EEFSEC: variants seen among roughly 807,000 people sequenced by gnomAD.
EEFSEC encodes eukaryotic elongation factor, selenocysteine-tRNA specific.
Under a neutral mutation model 42.1 loss-of-function variants are expected in EEFSEC, and 43 were observed. The observed-to-expected ratio is 1.02, with a 90% CI of 0.80 to 1.32. The LOEUF is 1.32. EEFSEC is among the 40% of genes most tolerant of loss of function. The pLI is 0.00. For missense variants in EEFSEC, 745 were observed against 803.6 expected (o/e 0.93, Z 0.88); for synonymous variants, 354 against 339.1 (o/e 1.04, Z -0.48).
At chr3:128,156,711 CACAA>C (rs1304923229) in intron 1 of EEFSEC, among the ~76,000 whole-genome samples, 1 of 152,218 alleles carries the variant, frequency 6.6e-6, no homozygotes, top group Non-Finnish European at 1.5e-5. Context: ...TTTGAAATGT[CACAA>C]ACAATGCTTA....
chr3:128,345,976 TATA>T (rs72021522), intron 5 of EEFSEC, among the ~76,000 whole-genome samples: 21,741 of 152,214 alleles, frequency 0.14, 1,789 homozygotes, highest in African/African-American at 0.23. Context: ...ATTTTCAGGT[TATA>T]ATAAGGTCTA....
At chr3:128,397,856 C>G (rs2068000511) in intron 6 of EEFSEC, among the ~76,000 whole-genome samples, 1 of 152,278 alleles carries the variant, frequency 6.6e-6, no homozygotes, top group African/African-American at 2.4e-5. Context: ...CCTACTGATT[C>G]CTCCTCCTAG....
chr3:128,334,290 C>CA (rs2067166235), intron 4 of EEFSEC, among the ~76,000 whole-genome samples: 1 of 152,240 alleles, frequency 6.6e-6, no homozygotes, highest in Non-Finnish European at 1.5e-5. Flanking sequence ...CTTGAGTCTT[C>CA]CCTCTCTGCT....
chr3:128,413,756 C>T, the EEFSEC span, among the ~76,000 whole-genome samples: 1 of 152,196 alleles, frequency 6.6e-6, no homozygotes, highest in Non-Finnish European at 1.5e-5. Context: ...GCCTCACCCC[C>T]CAAGGTCATT....
intron 6 of EEFSEC, among the ~76,000 whole-genome samples, chr3:128,362,819 C>A: frequency 6.6e-6 from 1 of 152,218 alleles, no homozygotes; most frequent in Non-Finnish European, 1.5e-5. Context: ...GGGTGCTGCT[C>A]ACGTGCCGGG....
At chr3:128,310,331 C>G (rs1018162807) in intron 4 of EEFSEC, among the ~76,000 whole-genome samples, 1 of 152,236 alleles carries the variant, frequency 6.6e-6, no homozygotes, top group Non-Finnish European at 1.5e-5. Flanking sequence ...CAACCATCTC[C>G]GCATCTTTCA....
At chr3:128,295,900 C>T (rs1248938687) in intron 4 of EEFSEC, among the ~76,000 whole-genome samples, 1 of 152,046 alleles carries the variant, frequency 6.6e-6, no homozygotes, top group East Asian at 1.9e-4. Context: ...AGCAGAAAAG[C>T]AAAAAAGGAA....
At chr3:128,262,092 C>A (rs2066302878) in intron 2 of EEFSEC, 36 bp from the exon 3 acceptor site, 2 of 1,601,080 alleles carry the variant, frequency 1.2e-6, no homozygotes, top group Admixed American at 1.7e-5. Context: ...TGTTGCTGAT[C>A]TCTGTAACTG....
In EEFSEC at chr3:128,291,528, G is replaced by A. The variant is rs557595262; in HGVS notation, c.786+26747G>A. 5.9e-5 allele frequency among the ~76,000 whole-genome samples: 9 copies of A among 152,276 alleles called. No homozygotes were observed. In the East Asian group the frequency reaches 1.7e-3, roughly 29 times the overall value. On this transcript the variant is annotated intron_variant, in intron 4 of 6. Transcript: ENST00000254730. The stretch of plus-strand genomic sequence containing the variant: ...CAGCACCTTGATATTGGAATTCTCA[G>A]CCTCCAGAGTTGTGAGGCAATAAAT...
chr3:128,408,387 C>A lies in EEFSEC; in HGVS notation c.*128C>A. 1 of 1,068,554 alleles carries A rather than the reference C, an allele frequency of 9.4e-7. No individual in the cohort carries two copies. The highest frequency in any genetic ancestry group is 1.6e-5 in the African/African-American group (1 of 61,730). The allele number at this position is 1,068,554 out of a possible 1,614,324, so 66.2% of individuals were successfully genotyped here. A position where few individuals can be genotyped will look rare whatever the true frequency, so the allele number is the denominator to read the frequency against. On this transcript the variant is annotated 3_prime_UTR_variant, in exon 7 of 7. Transcript: ENST00000254730. ...AGTCCTGCAGCAGCAGCCCCCACCC[C>A]CAAGCTTGGTGCTGAGCCCTGGTGA...
intron 1 of EEFSEC, among the ~76,000 whole-genome samples, chr3:128,164,967 C>G (rs1048685918): frequency 6.6e-6 from 1 of 152,214 alleles, no homozygotes; most frequent in Non-Finnish European, 1.5e-5. Flanking sequence ...CTCAGGCAGG[C>G]AAGGCGGATG....
rs1311528177 is a variant in EEFSEC at position 128,365,699 on chromosome 3, G to A, written c.1600+7326G>A. 2.6e-5 allele frequency among the ~76,000 whole-genome samples: 4 copies of A among 152,188 alleles called. No individual in the cohort carries two copies. The East Asian group carries it at 7.7e-4, about 29-fold the overall frequency. On this transcript the variant is annotated intron_variant, in intron 6 of 6. Transcript: ENST00000254730. ...GAGCACTGGGAAACGATGCCTGTAG[G>A]AGCCCCGGTGCTGCATTCATGCCAG... is the stretch of plus-strand genomic sequence containing the variant.
At chr3:128,313,854 T>G (rs1461229407) in intron 4 of EEFSEC, among the ~76,000 whole-genome samples, 3 of 152,206 alleles carry the variant, frequency 2.0e-5, no homozygotes, top group Non-Finnish European at 4.4e-5. Flanking sequence ...GAGTTAAGTC[T>G]CCCTGACAAC....
At chr3:128,165,243 G>A (rs2065232336) in intron 1 of EEFSEC, among the ~76,000 whole-genome samples, 1 of 152,244 alleles carries the variant, frequency 6.6e-6, no homozygotes. Context: ...CAAGTAGCCA[G>A]TGCCAGGCTC....
intron 1 of EEFSEC, among the ~76,000 whole-genome samples, chr3:128,168,789 C>G (rs973686718): frequency 5.3e-5 from 8 of 151,650 alleles, no homozygotes; most frequent in African/African-American, 2.0e-4. Context: ...GGTTCTGTCA[C>G]TTACTCTTTG....
At chr3:128,237,854 C>T (rs1388913491) in intron 1 of EEFSEC, among the ~76,000 whole-genome samples, 2 of 152,182 alleles carry the variant, frequency 1.3e-5, no homozygotes, top group Admixed American at 1.3e-4. Context: ...TTGGCTCCCT[C>T]CTGCAGGACT....
rs558525440 is a variant in EEFSEC at position 128,370,346 on chromosome 3, G to T, written c.1600+11973G>T. Among the ~76,000 whole-genome samples the T allele has an allele frequency of 2.1e-4, 32 of 152,302 alleles. No homozygotes were observed. The East Asian group carries it at 6.2e-3, about 29-fold the overall frequency. ...AAGACAGAGCCCAGGCCCAGAGATA[G>T]CTGTGTGGAGGGAGTGCAGCGGCCC... On this transcript the variant is annotated intron_variant, in intron 6 of 6. Coordinates refer to ENST00000254730, the MANE Select transcript of EEFSEC (RefSeq NM_021937.5).
chr3:128,366,469 A>G (rs2067591529), intron 6 of EEFSEC, among the ~76,000 whole-genome samples: 1 of 152,212 alleles, frequency 6.6e-6, no homozygotes, highest in Non-Finnish European at 1.5e-5. Flanking sequence ...TCATCACCCC[A>G]GTTCTGCAGA....
chr3:128,295,051 G>A (rs1357517773), intron 4 of EEFSEC, among the ~76,000 whole-genome samples: 2 of 152,224 alleles, frequency 1.3e-5, no homozygotes, highest in Non-Finnish European at 2.9e-5. Flanking sequence ...TGCACCATGT[G>A]TGGTGTTTGT....
Sources: allele counts gnomAD v4.1 joint callset (sites outside exome capture counted in the v4.1 genomes callset), GRCh38; gene constraint gnomAD v4.1.1; transcripts MANE v1.5; gene names NCBI Gene and HGNC (gene_info 2026-07-23, HGNC 2026-07-21).